AK4: variants seen among roughly 807,000 people sequenced by gnomAD.
AK4 encodes adenylate kinase 4.
AK4 carries 13 observed loss-of-function variants against 24.6 expected under a neutral mutation model. The observed-to-expected ratio is 0.53, with a 90% CI of 0.34 to 0.84. The LOEUF is 0.84. Among genes scored for constraint, AK4 ranks in the 40% least tolerant of loss-of-function variants. The pLI is 0.01. For missense variants in AK4, 192 were observed against 288.2 expected, an observed-to-expected ratio of 0.67 and a Z score of 2.42; for synonymous variants, 88 against 107.0, an observed-to-expected ratio of 0.82 and a Z score of 1.10.
chr1:65,185,118 G>T (rs1394972925), intron 1 of AK4, among the ~76,000 whole-genome samples: 1 of 152,136 alleles, frequency 6.6e-6, no homozygotes, highest in African/African-American at 2.4e-5. Context: ...CACTGCTTCT[G>T]CTTAGTTCAG....
At chr1:65,207,734 C>T (rs988350683) in intron 2 of AK4, among the ~76,000 whole-genome samples, 1 of 152,038 alleles carries the variant, frequency 6.6e-6, no homozygotes, top group Non-Finnish European at 1.5e-5. Context: ...CTGCTGTGCC[C>T]ACCTTTGTGC....
chr1:65,151,627 T>A (rs902532864), intron 1 of AK4, among the ~76,000 whole-genome samples: 1 of 152,182 alleles, frequency 6.6e-6, no homozygotes, highest in African/African-American at 2.4e-5. Flanking sequence ...GCAAAGTACC[T>A]AATGTATAAA....
At chr1:65,194,365 C>T (rs369187283) in intron 2 of AK4, among the ~76,000 whole-genome samples, 57 of 152,312 alleles carry the variant, frequency 3.7e-4, no homozygotes, top group African/African-American at 1.3e-3. Context: ...ATAACCTTTA[C>T]TCCAGTTTCT....
intron 1 of AK4, among the ~76,000 whole-genome samples, chr1:65,172,929 C>A (rs545440585): frequency 1.5e-5 from 2 of 132,292 alleles, no homozygotes; most frequent in African/African-American, 2.9e-5. Flanking sequence ...ATGACATGAT[C>A]TGTGCTCACT....
chr1:65,223,733 G>A lies in AK4; in HGVS notation c.439-1019G>A, dbSNP rs897801147. 2.0e-5 allele frequency among the ~76,000 whole-genome samples: 3 copies of A among 152,070 alleles called. No homozygotes were observed. In the East Asian group the frequency reaches 5.8e-4, roughly 29 times the overall value. Reference sequence around the variant, plus strand: ...AAACCAGCCAGGCGCAGTGGCTTATGCCTGTAATACCAGCACTTTGGGAGG... The same window carrying A: ...AAACCAGCCAGGCGCAGTGGCTTATACCTGTAATACCAGCACTTTGGGAGG... On this transcript the variant is annotated intron_variant, in intron 3 of 4. Coordinates refer to ENST00000327299, the MANE Select transcript of AK4 (RefSeq NM_013410.4).
At chr1:65,214,112 T>G (rs375307647) in intron 2 of AK4, among the ~76,000 whole-genome samples, 214 of 152,144 alleles carry the variant, frequency 1.4e-3, no homozygotes, top group African/African-American at 4.9e-3. Flanking sequence ...TGTTGTTGTT[T>G]GTTTGTTTGT....
intron 1 of AK4, among the ~76,000 whole-genome samples, chr1:65,161,970 G>C (rs1397440081): frequency 6.6e-6 from 1 of 152,146 alleles, no homozygotes; most frequent in African/African-American, 2.4e-5. Flanking sequence ...GTAGCAGGCC[G>C]GGCACGGTGG....
chr1:65,190,037 T>C (rs1309765031), intron 1 of AK4, among the ~76,000 whole-genome samples: 2 of 152,192 alleles, frequency 1.3e-5, no homozygotes, highest in African/African-American at 4.8e-5. Flanking sequence ...CATCTTCCTT[T>C]AGTCTTCTGT....
chr1:65,215,698 A>G (rs1340156003), intron 2 of AK4, among the ~76,000 whole-genome samples: 1 of 151,790 alleles, frequency 6.6e-6, no homozygotes, highest in Non-Finnish European at 1.5e-5. Flanking sequence ...TGTTTTTGAA[A>G]TTTTTCTTGC....
intron 1 of AK4, among the ~76,000 whole-genome samples, chr1:65,188,579 C>T (rs966147563): frequency 2.7e-5 from 4 of 148,140 alleles, no homozygotes; most frequent in African/African-American, 1.0e-4. Flanking sequence ...CCTGGGTTCA[C>T]ACCATTCTCC....
At chr1:65,189,279 TTCTC>T (rs1205447304) in intron 1 of AK4, among the ~76,000 whole-genome samples, 2 of 144,272 alleles carry the variant, frequency 1.4e-5, no homozygotes, top group East Asian at 2.1e-4. Context: ...GAGAATGTGA[TTCTC>T]TCTCTTTTTT....
chr1:65,150,985 G>A (rs557375890), intron 1 of AK4, among the ~76,000 whole-genome samples: 24 of 151,668 alleles, frequency 1.6e-4, no homozygotes, highest in African/African-American at 5.1e-4. Flanking sequence ...GACGAGTCTC[G>A]TTCTGTCACC....
intron 1 of AK4, among the ~76,000 whole-genome samples, chr1:65,185,919 A>G (rs1248179430): frequency 6.6e-6 from 1 of 151,798 alleles, no homozygotes; most frequent in East Asian, 1.9e-4. Flanking sequence ...CTGGCCTAAT[A>G]TGACCATCTT....
intron 2 of AK4, among the ~76,000 whole-genome samples, chr1:65,193,134 T>C (rs1570111508): frequency 1.3e-5 from 2 of 152,204 alleles, no homozygotes; most frequent in East Asian, 3.8e-4. Flanking sequence ...CTGCAGTGGC[T>C]CTGTTCTGCA....
rs917890685 is a variant in AK4 at position 65,199,548 on chromosome 1, G to A, written c.265+8719G>A. ...CAGGTGACAGTGCAGTAGCCCAGGCGACTCCATCTCAAAAAAGAAAAAAAA... is the reference window on the plus strand; with the variant it reads ...CAGGTGACAGTGCAGTAGCCCAGGCAACTCCATCTCAAAAAAGAAAAAAAA... On this transcript the variant is annotated intron_variant, in intron 2 of 4. Transcript: ENST00000327299. Among the ~76,000 whole-genome samples the A allele has an allele frequency of 4.0e-5, 6 of 151,732 alleles. 1 individual carries two copies. Among genetic ancestry groups the A allele is most frequent in the African/African-American group, 1.5e-4 (6 of 41,298 alleles).
rs966750220 is a variant in AK4, at chr1:65,229,373, A to C, written c.*3196A>C. 1 of 152,130 alleles carries C rather than the reference A, an allele frequency of 6.6e-6. No individual in the cohort carries two copies. The highest frequency in any genetic ancestry group is 1.5e-5 in the Non-Finnish European group (1 of 68,056). The allele number at this position is 152,130 out of a possible 1,614,324, so 9.4% of individuals were successfully genotyped here. ...ATATCACAAGACTCCATCTCTACGG[A>C]AAAGTAAAAAATTAGCCAGTCATGG... On this transcript the variant is annotated 3_prime_UTR_variant, in exon 5 of 5. Coordinates refer to ENST00000327299, the MANE Select transcript of AK4 (RefSeq NM_013410.4).
At chr1:65,220,758 G>C (rs1237686521) in intron 3 of AK4, among the ~76,000 whole-genome samples, 1 of 152,210 alleles carries the variant, frequency 6.6e-6, no homozygotes, top group Non-Finnish European at 1.5e-5. Flanking sequence ...TGACAGGTAC[G>C]AGCCACTGCG....
rs570870896 is a variant in AK4 at position 65,214,671 on chromosome 1, T to C, written c.266-4083T>C. Among the ~76,000 whole-genome samples, 15 of 152,288 alleles carry C rather than the reference T, an allele frequency of 9.8e-5. No homozygotes were observed. The South Asian group carries it at 3.1e-3, about 32-fold the overall frequency. On this transcript the variant is annotated intron_variant, in intron 2 of 4. Transcript: ENST00000327299. Reference sequence around the variant, plus strand: ...AGGCTATTTCTCCTCACTTTTGAAATAGTGAGTGGCACCCAGATCTTTGAC... The same window carrying C: ...AGGCTATTTCTCCTCACTTTTGAAACAGTGAGTGGCACCCAGATCTTTGAC...
chr1:65,156,937 A>AAAAG (rs1287308061), intron 1 of AK4, among the ~76,000 whole-genome samples: 1 of 151,970 alleles, frequency 6.6e-6, no homozygotes, highest in African/African-American at 2.4e-5. Flanking sequence ...AAAAAAAAAA[A>AAAAG]AAAGAAAGAA....
Sources: gnomAD v4.1 joint callset for allele counts (sites outside exome capture counted in the v4.1 genomes callset) on GRCh38, gnomAD v4.1.1 for gene constraint, MANE v1.5 for transcripts, NCBI Gene and HGNC (gene_info 2026-07-23, HGNC 2026-07-21) for gene names.